SNX29: variants seen among roughly 807,000 people sequenced by gnomAD.
SNX29 encodes sorting nexin 29.
In SNX29, 78 loss-of-function variants were observed where a neutral mutation model predicts 102.1. The observed-to-expected ratio is 0.76, with a 90% confidence interval of 0.64 to 0.92. The LOEUF is 0.92. SNX29 is among the 40% of genes least tolerant of loss of function. The probability of loss-of-function intolerance (pLI) is 0.00; values close to 1 mark genes in which losing one functional copy is unlikely to be tolerated. For synonymous variants in SNX29, 580 were observed against 414.5 expected (o/e 1.40, Z -4.85); for missense variants, 1,280 against 1,061.7 (o/e 1.21, Z -2.86).
intron 11 of SNX29, among the ~76,000 whole-genome samples, chr16:12,119,334 CTG>C (rs1318523920): frequency 6.6e-6 from 1 of 152,184 alleles, no homozygotes; most frequent in Non-Finnish European, 1.5e-5. Context: ...TAAACGCTCA[CTG>C]TGTGTGTTTG....
In SNX29 at chr16:12,520,776, T is replaced by C. The variant is rs200690103; in HGVS notation, c.2179-3926T>C. Among the ~76,000 whole-genome samples, 3 of 150,192 alleles carry C rather than the reference T, an allele frequency of 2.0e-5. No homozygotes were observed. In the South Asian group the frequency reaches 6.4e-4, roughly 32 times the overall value. Reference sequence around the variant, plus strand: ...CATGCAAATACATACAGAGTGATAATAATGGACTTTGGGGACTCAGGCGTG... The same window carrying C: ...CATGCAAATACATACAGAGTGATAACAATGGACTTTGGGGACTCAGGCGTG... On this transcript the variant is annotated intron_variant, in intron 19 of 20. Coordinates refer to ENST00000566228, the MANE Select transcript of SNX29 (RefSeq NM_032167.5).
At chr16:12,546,219 T>G (rs1178465704) in intron 20 of SNX29, 2 of 152,232 alleles carry the variant, frequency 1.3e-5, no homozygotes, top group African/African-American at 4.8e-5. Context: ...GAGGTACTCA[T>G]TGCTGTAGAG....
At chr16:12,415,942 C>T (rs947745241) in intron 18 of SNX29, among the ~76,000 whole-genome samples, 1 of 152,156 alleles carries the variant, frequency 6.6e-6, no homozygotes, top group African/African-American at 2.4e-5. Context: ...GGACCTCTTC[C>T]CTGTACAGCT....
In SNX29 at chr16:12,569,916, C is replaced by G. The variant is rs535154523; in HGVS notation, c.*1287C>G. On this transcript the variant is annotated 3_prime_UTR_variant, in exon 21 of 21. Transcript: ENST00000566228. ...GCCTTAATCTGAGGCAGAGACACAG[C>G]AGAACCTGAGGAGAAAAGCAGGTGG... is the stretch of plus-strand genomic sequence containing the variant. 1.3e-4 allele frequency: 31 copies of G among 232,224 alleles called. 1 individual carries two copies. The highest frequency in any genetic ancestry group is 6.6e-4 in the African/African-American group (30 of 45,384). The allele number at this position is 232,224 out of a possible 1,614,324, so 14.4% of individuals were successfully genotyped here. A position where few individuals can be genotyped will look rare whatever the true frequency, so the allele number is the denominator to read the frequency against.
At chr16:12,260,451 C>T (rs1035718022) in intron 14 of SNX29, among the ~76,000 whole-genome samples, 20 of 152,314 alleles carry the variant, frequency 1.3e-4, no homozygotes, top group South Asian at 2.1e-4. Context: ...CCTTCCCATG[C>T]GGCTTGAGGC....
chr16:12,292,085 C>T (rs1254850395), intron 15 of SNX29, among the ~76,000 whole-genome samples: 3 of 152,120 alleles, frequency 2.0e-5, no homozygotes, highest in Non-Finnish European at 2.9e-5. Context: ...GTGTATTAGA[C>T]AAGATAGTGC....
intron 14 of SNX29, among the ~76,000 whole-genome samples, chr16:12,240,989 C>G (rs905463560): frequency 6.6e-6 from 1 of 152,022 alleles, no homozygotes; most frequent in Non-Finnish European, 1.5e-5. Context: ...TAATTTTTAC[C>G]TAATCAAATC....
chr16:12,440,132 C>T (rs574635868), intron 18 of SNX29, among the ~76,000 whole-genome samples: 78 of 152,318 alleles, frequency 5.1e-4, no homozygotes, highest in African/African-American at 1.7e-3. Context: ...AATTGGAACA[C>T]GGCCCAGAGC....
intron 11 of SNX29, among the ~76,000 whole-genome samples, chr16:12,115,001 A>T (rs939376904): frequency 6.6e-6 from 1 of 152,132 alleles, no homozygotes; most frequent in Admixed American, 6.5e-5. Flanking sequence ...GCTATTAGGA[A>T]CACTTAACTT....
At chr16:12,371,575 G>A (rs1443912121) in intron 16 of SNX29, among the ~76,000 whole-genome samples, 1 of 152,220 alleles carries the variant, frequency 6.6e-6, no homozygotes, top group Non-Finnish European at 1.5e-5. Flanking sequence ...AAAGTGCTGG[G>A]ATTATAGGCG....
chr16:12,322,905 C>T (rs111908027), intron 15 of SNX29, among the ~76,000 whole-genome samples: 115 of 114,148 alleles, frequency 1.0e-3, no homozygotes, highest in East Asian at 7.1e-3. Context: ...TGTCAGGATG[C>T]GGTCACTGGA....
At chr16:12,245,257 C>A (rs184708704) in intron 14 of SNX29, among the ~76,000 whole-genome samples, 1 of 152,206 alleles carries the variant, frequency 6.6e-6, no homozygotes, top group East Asian at 1.9e-4. Flanking sequence ...ATTTAACATC[C>A]CCCAGTCTCA....
At chr16:12,120,000 C>T (rs1372603681) in intron 11 of SNX29, among the ~76,000 whole-genome samples, 4 of 152,166 alleles carry the variant, frequency 2.6e-5, no homozygotes, top group Admixed American at 2.0e-4. Context: ...TTTTTTCCTC[C>T]TTTATCTTAA....
intron 18 of SNX29, among the ~76,000 whole-genome samples, chr16:12,474,972 G>A (rs2087523091): frequency 6.6e-6 from 1 of 152,228 alleles, no homozygotes; most frequent in Non-Finnish European, 1.5e-5. Flanking sequence ...TGCAAGTCCG[G>A]ATCTTGACCT....
intron 18 of SNX29, among the ~76,000 whole-genome samples, chr16:12,419,466 C>T (rs1307645109): frequency 6.6e-6 from 1 of 152,098 alleles, no homozygotes; most frequent in Non-Finnish European, 1.5e-5. Context: ...AAATCCAGCT[C>T]AGATTGACAG....
chr16:12,278,399 A>G (rs997872622), intron 15 of SNX29, among the ~76,000 whole-genome samples: 20 of 152,236 alleles, frequency 1.3e-4, no homozygotes, highest in African/African-American at 4.3e-4. Context: ...TATTTTTCAG[A>G]AAAACATTCA....
At chr16:12,272,328 A>G (rs2079115082) in intron 14 of SNX29, among the ~76,000 whole-genome samples, 1 of 152,166 alleles carries the variant, frequency 6.6e-6, no homozygotes, top group Non-Finnish European at 1.5e-5. Flanking sequence ...AATTGTGATG[A>G]GCAGGACCTC....
At chr16:12,262,077 T>C (rs2078790547) in intron 14 of SNX29, among the ~76,000 whole-genome samples, 1 of 149,550 alleles carries the variant, frequency 6.7e-6, no homozygotes, top group Non-Finnish European at 1.5e-5. Context: ...CTCGGGTCTG[T>C]GCGCGCGTCC....
intron 13 of SNX29, among the ~76,000 whole-genome samples, chr16:12,195,234 C>T (rs889242541): frequency 1.3e-5 from 2 of 152,202 alleles, no homozygotes; most frequent in African/African-American, 4.8e-5. Flanking sequence ...TTTGACAGTC[C>T]TATAGCGTCC....
Sources: allele counts gnomAD v4.1 joint callset (sites outside exome capture counted in the v4.1 genomes callset), GRCh38; gene constraint gnomAD v4.1.1; transcripts MANE v1.5; gene names NCBI Gene and HGNC (gene_info 2026-07-23, HGNC 2026-07-21).